Variants in TTC29 observed in about 807,000 individuals in gnomAD.
TTC29 encodes tetratricopeptide repeat domain 29, also known as tetratricopeptide repeat protein 29.
Under a neutral mutation model 58.1 loss-of-function variants are expected in TTC29, and 49 were observed. That is an observed-to-expected ratio of 0.84 (90% CI 0.67 to 1.07). TTC29 has a LOEUF of 1.07. Ranked by LOEUF, TTC29 falls within the 50% of genes least tolerant of loss-of-function variation. TTC29 has a pLI of 0.00. For synonymous variants in TTC29, 209 were observed against 196.8 expected (o/e 1.06, Z -0.52); for missense variants, 582 against 555.6 (o/e 1.05, Z -0.48).
intron 10 of TTC29, among the ~76,000 whole-genome samples, chr4:146,808,852 C>A (rs1750809970): frequency 6.6e-6 from 1 of 152,142 alleles, no homozygotes; most frequent in Admixed American, 6.6e-5. Context: ...ATGAAGCTAC[C>A]ATTGACTTTC....
At chr4:146,767,985 T>C (rs1351856714) in intron 11 of TTC29, among the ~76,000 whole-genome samples, 2 of 152,090 alleles carry the variant, frequency 1.3e-5, no homozygotes, top group South Asian at 2.1e-4. Context: ...TAATATTCCA[T>C]GATTCTATGA....
intron 11 of TTC29, among the ~76,000 whole-genome samples, chr4:146,718,612 C>T (rs1463049116): frequency 1.3e-5 from 2 of 151,222 alleles, no homozygotes; most frequent in Admixed American, 6.6e-5. Context: ...GGTTATTAAT[C>T]CCTTATCAGA....
chr4:146,711,216 C>T (rs1742469427), intron 11 of TTC29, among the ~76,000 whole-genome samples: 1 of 152,104 alleles, frequency 6.6e-6, no homozygotes, highest in African/African-American at 2.4e-5. Context: ...TGTATGCTCA[C>T]ATGAATATAC....
At chr4:146,709,179 T>C (rs909046107) in intron 11 of TTC29, among the ~76,000 whole-genome samples, 1 of 152,172 alleles carries the variant, frequency 6.6e-6, no homozygotes, top group African/African-American at 2.4e-5. Context: ...CTTGACCTCC[T>C]GTTCTTTTAC....
rs142417903 is a variant in TTC29 at position 146,707,518 on chromosome 4, G to C, written c.1364C>G (p.Ser455Cys). 1 of 1,609,194 alleles carries C rather than the reference G, an allele frequency of 6.2e-7. No homozygotes were observed. The highest frequency in any genetic ancestry group is 2.2e-5 in the East Asian group (1 of 44,760). The change falls in exon 12 of 13, where the codon TCT becomes TGT. Residue 455 changes from serine to cysteine, a missense_variant. Transcript: ENST00000325106. Reference protein sequence around the residue: ...EFRGSTVEAVSQNSERLEELS... With the variant: ...EFRGSTVEAVCQNSERLEELS... Reference sequence around the variant, plus strand: ...TTCTTCCAAACGTTCTGAGTTTTGAGATACAGCTTCCACTGTGGATCCTCT... The same window carrying C: ...TTCTTCCAAACGTTCTGAGTTTTGACATACAGCTTCCACTGTGGATCCTCT...
chr4:146,715,368 C>G (rs571591340), intron 11 of TTC29, among the ~76,000 whole-genome samples: 1 of 152,072 alleles, frequency 6.6e-6, no homozygotes, highest in Non-Finnish European at 1.5e-5. Context: ...CCTAAGTGTC[C>G]GTTAACAGAC....
intron 8 of TTC29, among the ~76,000 whole-genome samples, chr4:146,867,000 G>T (rs1420574115): frequency 6.6e-6 from 1 of 152,080 alleles, no homozygotes; most frequent in Non-Finnish European, 1.5e-5. Flanking sequence ...TATACGGCAG[G>T]CTACTTCTCA....
chr4:146,812,976 T>C (rs2150130578), intron 10 of TTC29: 1 of 152,324 alleles, frequency 6.6e-6, no homozygotes, highest in East Asian at 1.9e-4. Context: ...AAATGAATCT[T>C]ACGGGAAGAG....
intron 11 of TTC29, among the ~76,000 whole-genome samples, chr4:146,719,358 G>C (rs1205772490): frequency 6.6e-6 from 1 of 152,108 alleles, no homozygotes; most frequent in Non-Finnish European, 1.5e-5. Flanking sequence ...AGGTTGGAGA[G>C]ATTAACTTGC....
intron 8 of TTC29, among the ~76,000 whole-genome samples, chr4:146,850,484 G>A (rs1369142600): frequency 1.3e-5 from 2 of 152,156 alleles, no homozygotes; most frequent in Non-Finnish European, 2.9e-5. Context: ...GTCCTATTGT[G>A]GATTGACCAA....
chr4:146,895,831 G>T (rs1732730360), intron 6 of TTC29, among the ~76,000 whole-genome samples: 1 of 151,826 alleles, frequency 6.6e-6, no homozygotes, highest in Admixed American at 6.6e-5. Context: ...TTGTTCAATT[G>T]TTTTTGTTTT....
chr4:146,777,455 T>TGTTC lies in TTC29; in HGVS notation c.1330+26001_1330+26002insGAAC, dbSNP rs1417675035. On this transcript the variant is annotated intron_variant, in intron 11 of 12. Transcript: ENST00000325106. ...TATTTGTGTGTTCTGGACACATTTA[T>TGTTC]TAGACAAAAATGTCTATGTTCTAAT... Among the ~76,000 whole-genome samples, 11 of 152,278 alleles carry TGTTC rather than the reference T, an allele frequency of 7.2e-5. No homozygotes were observed. In the South Asian group the frequency reaches 2.1e-3, roughly 29 times the overall value.
At chr4:146,917,595 C>A (rs1734312015) in intron 4 of TTC29, among the ~76,000 whole-genome samples, 1 of 117,880 alleles carries the variant, frequency 8.5e-6, no homozygotes, top group East Asian at 2.5e-4. Flanking sequence ...ATATTATATA[C>A]ATTATATATT....
At chr4:146,941,091 C>G (rs1736347425) in intron 2 of TTC29, among the ~76,000 whole-genome samples, 1 of 152,138 alleles carries the variant, frequency 6.6e-6, no homozygotes, top group Admixed American at 6.6e-5. Context: ...GAAGTGTGGA[C>G]ATGACATCTG....
At chr4:146,731,271 G>T (rs7680922) in intron 11 of TTC29, among the ~76,000 whole-genome samples, 3,658 of 152,092 alleles carry the variant, frequency 0.024, 160 homozygotes, top group African/African-American at 0.084. Flanking sequence ...AGCAAATATA[G>T]GGAGGAGGTA....
At chr4:146,845,024 G>A (rs916783671) in intron 8 of TTC29, among the ~76,000 whole-genome samples, 8 of 150,982 alleles carry the variant, frequency 5.3e-5, no homozygotes, top group Admixed American at 1.3e-4. Context: ...TCGTCTTCCA[G>A]GGGTCTTCCA....
intron 3 of TTC29, among the ~76,000 whole-genome samples, chr4:146,938,568 C>A (rs1325058032): frequency 1.3e-5 from 2 of 151,880 alleles, no homozygotes; most frequent in Non-Finnish European, 1.5e-5. Context: ...AAAAGTAAAA[C>A]AAAAATATGT....
chr4:146,707,115 A>G lies in TTC29; in HGVS notation c.*43T>C. On this transcript the variant is annotated 3_prime_UTR_variant, in exon 13 of 13. Transcript: ENST00000325106. ...TACAAGTATTGAAGTCTAAGGTGAC[A>G]TGATGGATTTCTTCTTGCTTTGATG... is the stretch of plus-strand genomic sequence containing the variant. 1 of 1,471,660 alleles carries G rather than the reference A, an allele frequency of 6.8e-7. No individual in the cohort carries two copies. The highest frequency in any genetic ancestry group is 9.2e-7 in the Non-Finnish European group (1 of 1,090,616). The allele number at this position is 1,471,660 out of a possible 1,614,324, so 91.2% of individuals were successfully genotyped here. A position where few individuals can be genotyped will look rare whatever the true frequency, so the allele number is the denominator to read the frequency against.
At position 146,809,363 on chromosome 4, in the gene TTC29, C is replaced by A. The variant is rs1249151944; in HGVS notation, c.1102-5678G>T. On this transcript the variant is annotated intron_variant, in intron 10 of 12. Coordinates refer to ENST00000325106, the MANE Select transcript of TTC29 (RefSeq NM_031956.4). ...ATGACTAAAGCACCAAAAGCAATGG[C>A]AACAAAAGCCAAAATTGACAAATGG... Among the ~76,000 whole-genome samples, 2 of 149,936 alleles carry A rather than the reference C, an allele frequency of 1.3e-5. 1 individual carries two copies. The highest frequency in any genetic ancestry group is 4.9e-5 in the African/African-American group (2 of 40,868).
Sources: gnomAD v4.1 joint callset for allele counts (sites outside exome capture counted in the v4.1 genomes callset) on GRCh38, gnomAD v4.1.1 for gene constraint, MANE v1.5 for transcripts, NCBI Gene and HGNC (gene_info 2026-07-23, HGNC 2026-07-21) for gene names.